Variants in HMCN1 observed in about 807,000 individuals in gnomAD.
The protein encoded by HMCN1 is hemicentin-1.
HMCN1 carries 321 observed loss-of-function variants against 625.9 expected under a neutral mutation model. The ratio of observed to expected loss-of-function variants is 0.51; its 90% CI spans 0.47 to 0.56. The LOEUF is 0.56. Among genes scored for constraint, HMCN1 ranks in the 20% least tolerant of loss-of-function variants. HMCN1 has a pLI of 0.00. For missense variants in HMCN1, 6,588 were observed against 6,887.3 expected, an observed-to-expected ratio of 0.96 and a Z score of 1.54; for synonymous variants, 2,425 against 2,417.6, an observed-to-expected ratio of 1.00 and a Z score of -0.09.
At chr1:185,817,656 AT>A (rs1329596234) in intron 1 of HMCN1, among the ~76,000 whole-genome samples, 3 of 152,162 alleles carry the variant, frequency 2.0e-5, no homozygotes, top group African/African-American at 7.2e-5. Context: ...AGTTTCAAGA[AT>A]TGTTGATTTG....
chr1:185,936,253 A>G (rs960667516), intron 11 of HMCN1, among the ~76,000 whole-genome samples: 10 of 152,114 alleles, frequency 6.6e-5, no homozygotes, highest in African/African-American at 2.4e-4. Context: ...TATATGTCTA[A>G]TATTGCAGCC....
At chr1:185,877,778 G>T (rs189473654) in intron 4 of HMCN1, among the ~76,000 whole-genome samples, 1 of 151,948 alleles carries the variant, frequency 6.6e-6, no homozygotes, top group East Asian at 1.9e-4. Flanking sequence ...TACATGTGCA[G>T]GTTTGTATAA....
At chr1:186,016,645 C>A (rs1654386893) in intron 32 of HMCN1, among the ~76,000 whole-genome samples, 1 of 151,920 alleles carries the variant, frequency 6.6e-6, no homozygotes, top group African/African-American at 2.4e-5. Flanking sequence ...TGAATAGATG[C>A]CCAATTTTGG....
chr1:186,149,146 T>G (rs1448357608), intron 93 of HMCN1, among the ~76,000 whole-genome samples: 3 of 152,136 alleles, frequency 2.0e-5, no homozygotes, highest in East Asian at 3.9e-4. Context: ...ACTGCGTAAG[T>G]CCTTAACAAG....
In HMCN1 at chr1:186,172,041, G is replaced by T. The variant is rs769999505; in HGVS notation, c.15724G>T (p.Asp5242Tyr). 5.6e-6 allele frequency: 9 copies of T among 1,613,542 alleles called. No individual in the cohort carries two copies. Among genetic ancestry groups the T allele is most frequent in the Non-Finnish European group, 7.6e-6 (9 of 1,179,684 alleles). The change falls in exon 102 of 107, where the codon GAT (aspartate) becomes TAT (tyrosine). Residue 5242 changes from aspartate (D) to tyrosine (Y), a missense_variant. Asp to Tyr is a radical substitution (Grantham distance 160). Transcript: ENST00000271588. ...GTGTAGACAAAATGTATGCAGACCA[G>T]ATCAGCACTGTAAGAACACCCGTGG... Reference protein sequence around the residue: ...NECRQNVCRPDQHCKNTRGGY... With the variant: ...NECRQNVCRPYQHCKNTRGGY...
In HMCN1 at chr1:186,145,405, C is replaced by T. The variant is rs1650247593; in HGVS notation, c.14269C>T (p.His4757Tyr). 1.3e-6 allele frequency: 2 copies of T among 1,571,862 alleles called. No individual in the cohort carries two copies. The highest frequency in any genetic ancestry group is 2.4e-5 in the South Asian group (2 of 83,630). The part of the protein sequence containing the change: ...DFCNSDPCPT[H>Y]GNWSPWSGWG... ...TCTCAGATTATTCTGTCTTGTAGCC[C>T]ATGGTAACTGGAGTCCTTGGAGTGG... Residue 4757 changes from histidine (H) to tyrosine (Y), a missense_variant and splice_region_variant, in exon 92 of 107, where the codon CAT becomes TAT. Physicochemically the swap from His to Tyr is moderately conservative, Grantham distance 83 (BLOSUM62 2). Coordinates refer to ENST00000271588, the MANE Select transcript of HMCN1 (RefSeq NM_031935.3).
chr1:185,753,258 A>G (rs1654931847), intron 1 of HMCN1, among the ~76,000 whole-genome samples: 1 of 152,052 alleles, frequency 6.6e-6, no homozygotes, highest in Admixed American at 6.6e-5. Flanking sequence ...TCCCTTTGGA[A>G]TTGCAATGAA....
chr1:185,900,052 G>T (rs1270648383), intron 4 of HMCN1, among the ~76,000 whole-genome samples: 2 of 151,586 alleles, frequency 1.3e-5, no homozygotes, highest in Admixed American at 6.6e-5. Flanking sequence ...TCCTCAACAT[G>T]TTGAAAATGT....
chr1:186,062,390 TAATG>T, intron 47 of HMCN1, 120 bp from the exon 48 acceptor site: 3 of 698,852 alleles, frequency 4.3e-6, no homozygotes, highest in South Asian at 3.1e-5. Context: ...AGCAATCAAA[TAATG>T]AATGTGGATT....
intron 78 of HMCN1, among the ~76,000 whole-genome samples, 170 bp from the exon 79 acceptor site, chr1:186,119,575 G>A (rs1394113023): frequency 1.3e-5 from 2 of 152,114 alleles, no homozygotes; most frequent in Admixed American, 6.5e-5. Context: ...ACTGGCTACT[G>A]TAGCAAGACT....
At chr1:185,826,959 G>A (rs1380311293) in intron 1 of HMCN1, among the ~76,000 whole-genome samples, 2 of 151,858 alleles carry the variant, frequency 1.3e-5, no homozygotes, top group African/African-American at 4.8e-5. Flanking sequence ...GGCGGATCAC[G>A]AGGTCAGAAG....
rs140990615 is a variant in HMCN1, at chr1:186,016,185, G to A, written c.5137G>A (p.Val1713Met). 5.8e-5 allele frequency: 93 copies of A among 1,613,338 alleles called. No homozygotes were observed. The highest frequency in any genetic ancestry group is 3.3e-4 in the African/African-American group (25 of 75,006). ...QEIDRGQYIC[V>M]ATSVAGEKEI... ...AATTGATCGAGGACAGTACATATGC[G>A]TGGCTACCAGTGTGGCAGGAGAAAA... Residue 1713 changes from valine (V) to methionine (M), a missense_variant, in exon 32 of 107, where the codon GTG (valine) becomes ATG (methionine). By Grantham distance (21) the Val-to-Met change is conservative. Around this residue, in one of 3 missense-constraint regions of HMCN1, gnomAD observed 4,628 missense variants for 4,853.1 expected, o/e 0.95. Coordinates refer to ENST00000271588, the MANE Select transcript of HMCN1 (RefSeq NM_031935.3).
intron 1 of HMCN1, among the ~76,000 whole-genome samples, chr1:185,812,823 A>G (rs1463011525): frequency 6.6e-6 from 1 of 151,974 alleles, no homozygotes; most frequent in African/African-American, 2.4e-5. Flanking sequence ...CATTCCCCTC[A>G]TTGATATGCA....
intron 1 of HMCN1, among the ~76,000 whole-genome samples, chr1:185,840,445 T>C (rs188092203): frequency 6.6e-6 from 1 of 152,310 alleles, no homozygotes; most frequent in East Asian, 1.9e-4. Context: ...ATGAATGGCA[T>C]TTTGAGGAGG....
intron 1 of HMCN1, among the ~76,000 whole-genome samples, chr1:185,759,349 G>A (rs12085167): frequency 0.24 from 36,108 of 152,042 alleles, 4,572 homozygotes; most frequent in Non-Finnish European, 0.28. Flanking sequence ...TTAAGACGGG[G>A]ACATTTTCAT....
chr1:185,793,832 G>A (rs950779106), intron 1 of HMCN1, among the ~76,000 whole-genome samples: 4 of 152,092 alleles, frequency 2.6e-5, no homozygotes, highest in African/African-American at 9.7e-5. Context: ...AAGTCATACC[G>A]CTTAGTTGAG....
chr1:185,976,366 G>C (rs1381348356), intron 15 of HMCN1, among the ~76,000 whole-genome samples: 1 of 152,114 alleles, frequency 6.6e-6, no homozygotes, highest in Non-Finnish European at 1.5e-5. Flanking sequence ...CATTTATAAA[G>C]GGAAATAATA....
At chr1:185,945,323 ATAGT>A (rs1488255460) in intron 11 of HMCN1, among the ~76,000 whole-genome samples, 2 of 152,226 alleles carry the variant, frequency 1.3e-5, no homozygotes, top group Non-Finnish European at 2.9e-5. Flanking sequence ...AACAAAACAA[ATAGT>A]TAAACACATG....
chr1:186,174,720 TTCTC>T (rs1652453502), intron 103 of HMCN1, 78 bp downstream of exon 103: 1 of 1,265,052 alleles, frequency 7.9e-7, no homozygotes, highest in South Asian at 1.2e-5. Context: ...TAGGGCCACT[TTCTC>T]TATCCTCAAA....
Sources: gnomAD v4.1 joint callset for allele counts (sites outside exome capture counted in the v4.1 genomes callset) on GRCh38, gnomAD v4.1.1 for gene constraint, gnomAD v4.1.1 regional missense constraint, MANE v1.5 for transcripts, NCBI Gene and HGNC (gene_info 2026-07-23, HGNC 2026-07-21) for gene names.